KIAA0232: variants seen among roughly 807,000 people sequenced by gnomAD.
KIAA0232 encodes the protein KIAA0232.
A neutral mutation model predicts 122.0 loss-of-function variants in KIAA0232; 27 were observed. The ratio of observed to expected loss-of-function variants is 0.22; its 90% confidence interval spans 0.16 to 0.31. KIAA0232 has a LOEUF of 0.31. KIAA0232 is among the 10% of genes least tolerant of loss of function. The probability of loss-of-function intolerance (pLI) is 1.00; values close to 1 mark genes in which losing one functional copy is unlikely to be tolerated. For synonymous variants in KIAA0232, 613 were observed against 587.6 expected (o/e 1.04, Z -0.63); for missense variants, 1,551 against 1,634.2 (o/e 0.95, Z 0.88).
chr4:6,856,979 A>G (rs1283608236), intron 4 of KIAA0232, among the ~76,000 whole-genome samples, 185 bp from the exon 5 acceptor site: 2 of 152,252 alleles, frequency 1.3e-5, no homozygotes, highest in Admixed American at 6.5e-5. Context: ...AGTAATAAGC[A>G]TGTATACCAA....
rs949528637 is a variant in KIAA0232 at position 6,883,127 on chromosome 4, T to G, written c.*2161T>G. 3 of 152,678 alleles carry G rather than the reference T, an allele frequency of 2.0e-5. No individual in the cohort carries two copies. The highest frequency in any genetic ancestry group is 4.4e-5 in the Non-Finnish European group (3 of 68,050). 9.5% of individuals were successfully genotyped at this position (152,678 alleles called of 1,614,324 possible). A position where few individuals can be genotyped will look rare whatever the true frequency, so the allele number is the denominator to read the frequency against. On this transcript the variant is annotated 3_prime_UTR_variant, in exon 10 of 10. Coordinates refer to ENST00000307659, the MANE Select transcript of KIAA0232 (RefSeq NM_014743.3). ...CAGCAACAGAGATGAAAGTGTGGCT[T>G]TTTAGTTTTGTGAATGGATGATCAC...
At position 6,802,676 on chromosome 4, in the gene KIAA0232, T is replaced by C. The variant is rs949510543; in HGVS notation, c.-353-1847T>C. Among the ~76,000 whole-genome samples the C allele has an allele frequency of 2.0e-5, 3 of 151,954 alleles. No individual in the cohort carries two copies. In the East Asian group the frequency reaches 5.8e-4, roughly 29 times the overall value. ...ACCAGAATGCTTCATCTTCACGTCTTCCCCAAGGACATAAAGACAGAAAGG... is the reference window on the plus strand; with the variant it reads ...ACCAGAATGCTTCATCTTCACGTCTCCCCCAAGGACATAAAGACAGAAAGG... On this transcript the variant is annotated intron_variant, in intron 1 of 9. Transcript: ENST00000307659.
chr4:6,845,352 G>T (rs1271751333), intron 4 of KIAA0232, among the ~76,000 whole-genome samples: 6 of 152,156 alleles, frequency 3.9e-5, no homozygotes, highest in African/African-American at 7.2e-5. Flanking sequence ...GGGTTTTTTG[G>T]TTTTTTGTTT....
chr4:6,808,621 G>A (rs1717743036), intron 2 of KIAA0232, among the ~76,000 whole-genome samples: 1 of 151,758 alleles, frequency 6.6e-6, no homozygotes, highest in Admixed American at 6.6e-5. Context: ...CTGACACCAG[G>A]CACAGTGCCT....
At chr4:6,800,878 G>T (rs1378906282) in intron 1 of KIAA0232, among the ~76,000 whole-genome samples, 1 of 152,188 alleles carries the variant, frequency 6.6e-6, no homozygotes, top group Non-Finnish European at 1.5e-5. Context: ...GATACGAAGA[G>T]CCCAGTTAGG....
intron 2 of KIAA0232, among the ~76,000 whole-genome samples, chr4:6,822,045 A>G (rs375186459): frequency 6.6e-6 from 1 of 152,132 alleles, no homozygotes; most frequent in East Asian, 1.9e-4. Flanking sequence ...AAGTTTGAGT[A>G]ATTTTATTAT....
intron 1 of KIAA0232, among the ~76,000 whole-genome samples, chr4:6,791,168 C>T (rs1716877415): frequency 6.6e-6 from 1 of 151,634 alleles, no homozygotes; most frequent in South Asian, 2.1e-4. Context: ...AGTCCGCCCG[C>T]CTTGGCCTCC....
intron 8 of KIAA0232, among the ~76,000 whole-genome samples, chr4:6,874,735 A>G (rs531670416): frequency 3.3e-5 from 5 of 152,278 alleles, no homozygotes; most frequent in Admixed American, 1.3e-4. Context: ...GTCTGTATGT[A>G]TAAAAGGAGG....
chr4:6,826,491 C>T (rs912016178), intron 3 of KIAA0232, among the ~76,000 whole-genome samples: 8 of 150,746 alleles, frequency 5.3e-5, no homozygotes, highest in Non-Finnish European at 1.0e-4. Context: ...AGCATGTACT[C>T]ATAGGGAATG....
At chr4:6,790,170 T>A (rs1443731958) in intron 1 of KIAA0232, among the ~76,000 whole-genome samples, 1 of 152,216 alleles carries the variant, frequency 6.6e-6, no homozygotes, top group African/African-American at 2.4e-5. Flanking sequence ...CTTTGGTATT[T>A]GGAATGACTG....
intron 1 of KIAA0232, among the ~76,000 whole-genome samples, chr4:6,795,110 G>A (rs775130581): frequency 1.3e-5 from 2 of 151,432 alleles, no homozygotes; most frequent in East Asian, 1.9e-4. Context: ...TCACTCTGTC[G>A]CCCAGGCTGG....
At chr4:6,836,254 G>A (rs1719260844) in intron 3 of KIAA0232, among the ~76,000 whole-genome samples, 1 of 151,698 alleles carries the variant, frequency 6.6e-6, no homozygotes, top group African/African-American at 2.4e-5. Context: ...TCTGTTGGCT[G>A]CATAAATGTC....
intron 3 of KIAA0232, among the ~76,000 whole-genome samples, chr4:6,836,939 T>TAA (rs1257220363): frequency 6.6e-6 from 1 of 152,252 alleles, no homozygotes; most frequent in Non-Finnish European, 1.5e-5. Flanking sequence ...GTCTCCTGTC[T>TAA]ATTTCTTTCC....
At chr4:6,873,612 C>T (rs546822650) in intron 8 of KIAA0232, among the ~76,000 whole-genome samples, 46 of 152,038 alleles carry the variant, frequency 3.0e-4, no homozygotes, top group African/African-American at 1.0e-3. Flanking sequence ...GTCCAGTTTT[C>T]TGTCATTAGT....
At chr4:6,809,327 A>G (rs1040984953) in intron 2 of KIAA0232, among the ~76,000 whole-genome samples, 5 of 152,218 alleles carry the variant, frequency 3.3e-5, no homozygotes, top group African/African-American at 7.2e-5. Context: ...AAGTGAGGCT[A>G]AGAGACTTGC....
chr4:6,814,052 A>G (rs1438539776), intron 2 of KIAA0232, among the ~76,000 whole-genome samples: 1 of 152,158 alleles, frequency 6.6e-6, no homozygotes, highest in South Asian at 2.1e-4. Flanking sequence ...GGTCTTTAAA[A>G]GGGCTTGCAG....
At chr4:6,859,659 A>T (rs1351468489) in intron 6 of KIAA0232, among the ~76,000 whole-genome samples, 1 of 152,190 alleles carries the variant, frequency 6.6e-6, no homozygotes, top group African/African-American at 2.4e-5. Context: ...CTCAAAATAT[A>T]TTTCTGTTGG....
Position 6,861,240 on chromosome 4 carries a change from C to G in KIAA0232, c.858C>G (p.Arg286=), listed in dbSNP as rs1289008445. The change falls in exon 7 of 10, where the codon CGC becomes CGG. Residue 286 remains arginine (R), a synonymous_variant. Coordinates refer to ENST00000307659, the MANE Select transcript of KIAA0232 (RefSeq NM_014743.3). ...RHKPEGKIRP[R]SWSSGSSEAG... is the part of the protein sequence containing the mutation. Reference sequence around the variant, plus strand: ...AACCTGAAGGAAAGATTCGCCCTCGCTCGTGGTCTTCTGGCTCCAGTGAAG... The same window carrying G: ...AACCTGAAGGAAAGATTCGCCCTCGGTCGTGGTCTTCTGGCTCCAGTGAAG... 1 of 1,614,006 alleles carries G rather than the reference C, an allele frequency of 6.2e-7. No individual in the cohort carries two copies. Among genetic ancestry groups the G allele is most frequent in the Non-Finnish European group, 8.5e-7 (1 of 1,180,036 alleles).
intron 7 of KIAA0232, chr4:6,866,393 C>G (rs1721183661): frequency 1.2e-5 from 2 of 172,390 alleles, no homozygotes; most frequent in Admixed American, 1.3e-4. Flanking sequence ...GCTCTCTCGG[C>G]AGCATTGTTA....
Sources: gnomAD v4.1 joint callset for allele counts (sites outside exome capture counted in the v4.1 genomes callset) on GRCh38, gnomAD v4.1.1 for gene constraint, MANE v1.5 for transcripts, NCBI Gene and HGNC (gene_info 2026-07-23, HGNC 2026-07-21) for gene names.